The following ANO4 variants were observed in gnomAD, a reference collection of about 807,000 sequenced individuals.
ANO4 encodes the protein anoctamin 4.
ANO4 carries 69 observed loss-of-function variants against 141.9 expected under a neutral mutation model. That is an observed-to-expected ratio of 0.49 (90% CI 0.40 to 0.59). ANO4 has a LOEUF of 0.59. ANO4 is among the 20% of genes least tolerant of loss of function. The pLI, the probability that ANO4 is intolerant of heterozygous loss-of-function variation, is 0.00. For synonymous variants in ANO4, 350 were observed against 394.3 expected, an observed-to-expected ratio of 0.89 and a Z score of 1.33; for missense variants, 894 against 1,162.2, an observed-to-expected ratio of 0.77 and a Z score of 3.36.
At chr12:101,026,395 G>A (rs1359752579) in intron 9 of ANO4, among the ~76,000 whole-genome samples, 1 of 152,120 alleles carries the variant, frequency 6.6e-6, no homozygotes, top group Non-Finnish European at 1.5e-5. Context: ...CCAATAAATG[G>A]AGACATATAC....
At chr12:100,774,622 G>A (rs540539877) in intron 3 of ANO4, among the ~76,000 whole-genome samples, 4 of 152,354 alleles carry the variant, frequency 2.6e-5, no homozygotes, top group African/African-American at 9.6e-5. Context: ...AAGTGCATTT[G>A]CACAGTTACC....
chr12:100,845,722 A>G (rs993654514), intron 1 of ANO4, among the ~76,000 whole-genome samples: 4 of 152,146 alleles, frequency 2.6e-5, no homozygotes, highest in Non-Finnish European at 4.4e-5. Context: ...AGTTATCTAA[A>G]CTAAGGAAAG....
intron 1 of ANO4, among the ~76,000 whole-genome samples, chr12:100,808,727 T>A (rs891827911): frequency 1.3e-5 from 2 of 152,228 alleles, no homozygotes; most frequent in African/African-American, 2.4e-5. Flanking sequence ...GTAAAATAGA[T>A]TACCTGGGGA....
intron 14 of ANO4, among the ~76,000 whole-genome samples, chr12:101,073,510 A>G (rs535717179): frequency 2.4e-4 from 36 of 151,846 alleles, no homozygotes; most frequent in African/African-American, 8.7e-4. Flanking sequence ...AACATGGCAC[A>G]TGTATACATA....
chr12:100,836,866 G>C (rs1201957637), intron 1 of ANO4, among the ~76,000 whole-genome samples: 1 of 152,108 alleles, frequency 6.6e-6, no homozygotes, highest in Non-Finnish European at 1.5e-5. Flanking sequence ...TGATATTCCA[G>C]GTTCCTGTGG....
chr12:100,928,644 T>C (rs1205883401), intron 3 of ANO4, among the ~76,000 whole-genome samples: 1 of 152,180 alleles, frequency 6.6e-6, no homozygotes, highest in Non-Finnish European at 1.5e-5. Flanking sequence ...ATGACCTCAC[T>C]TTATGTTATG....
At chr12:100,729,360 C>CAAAAAAAAAAAAAAAAAA (rs1156522144) in intron 1 of ANO4, among the ~76,000 whole-genome samples, 3 of 22,568 alleles carry the variant, frequency 1.3e-4, no homozygotes, top group Non-Finnish European at 8.4e-5. Context: ...AACTCTGTCT[C>CAAAAAAAAAAAAAAAAAA]AAAAAAAAAA....
At chr12:101,106,595 A>G (rs531064415) in intron 22 of ANO4, among the ~76,000 whole-genome samples, 7 of 149,426 alleles carry the variant, frequency 4.7e-5, no homozygotes, top group Non-Finnish European at 4.4e-5. Context: ...ATATATATAT[A>G]AATGAACTGG....
chr12:100,755,630 T>A (rs777507225), intron 3 of ANO4, among the ~76,000 whole-genome samples: 12 of 152,248 alleles, frequency 7.9e-5, no homozygotes, highest in Non-Finnish European at 1.5e-4. Flanking sequence ...TCACTATGCC[T>A]GTACTTTGTT....
rs557641754 is a variant in ANO4, at chr12:100,974,655, A to G, written c.558-190A>G. 8.5e-5 allele frequency: 58 copies of G among 679,066 alleles called. 1 individual carries two copies. The African/African-American group carries it at 8.7e-4, about 10-fold the overall frequency. 42.1% of individuals were successfully genotyped at this position (679,066 alleles called of 1,614,324 possible). A position where few individuals can be genotyped will look rare whatever the true frequency, so the allele number is the denominator to read the frequency against. On this transcript the variant is annotated intron_variant, in intron 6 of 27. Transcript: ENST00000392977. ...GAAATATCAATGGAAACTGTTTCAT[A>G]AGATTTCATGACTCAAAAACGCATG... is the stretch of plus-strand genomic sequence containing the variant.
intron 12 of ANO4, 25 bp from the exon 13 acceptor site, chr12:101,043,514 C>G: frequency 1.3e-6 from 2 of 1,556,918 alleles, no homozygotes; most frequent in Non-Finnish European, 1.8e-6. Flanking sequence ...CATCAAAAAG[C>G]AGTCCTTTCT....
At chr12:100,733,703 A>G in intron 1 of ANO4, 1 of 653,814 alleles carries the variant, frequency 1.5e-6, no homozygotes, top group Non-Finnish European at 2.8e-6. Flanking sequence ...ACCACCAGTC[A>G]TATATTTACA....
At chr12:101,055,998 A>G (rs145127877) in intron 14 of ANO4, among the ~76,000 whole-genome samples, 225 of 152,172 alleles carry the variant, frequency 1.5e-3, no homozygotes, top group South Asian at 3.7e-3. Flanking sequence ...TGTTTTCAGA[A>G]TTTTTATTAT....
At chr12:100,791,585 C>G (rs1408041465), upstream of ANO4, among the ~76,000 whole-genome samples, 1 of 152,184 alleles carries the variant, frequency 6.6e-6, no homozygotes, top group Non-Finnish European at 1.5e-5. Flanking sequence ...TCAACTTGGA[C>G]TTGTGTCATT....
chr12:100,881,807 A>G (rs542715809), intron 1 of ANO4, among the ~76,000 whole-genome samples: 8 of 152,236 alleles, frequency 5.3e-5, no homozygotes, highest in Admixed American at 2.0e-4. Context: ...TATTTAATAC[A>G]TAACACTGTT....
intron 14 of ANO4, among the ~76,000 whole-genome samples, chr12:101,061,187 T>A (rs966655550): frequency 3.9e-5 from 6 of 152,328 alleles, no homozygotes; most frequent in Admixed American, 3.3e-4. Context: ...TTCTTTTTTT[T>A]AAGAATGTTG....
chr12:100,836,576 A>G (rs572141872), intron 1 of ANO4, among the ~76,000 whole-genome samples: 1 of 151,122 alleles, frequency 6.6e-6, no homozygotes, highest in East Asian at 2.0e-4. Flanking sequence ...AGAAGCCACA[A>G]ACTATCATAT....
At chr12:101,058,618 G>C (rs139220071) in intron 14 of ANO4, among the ~76,000 whole-genome samples, 16,113 of 152,010 alleles carry the variant, frequency 0.11, 884 homozygotes, top group South Asian at 0.14. Flanking sequence ...TATTCTCTTT[G>C]TAGCAATTGT....
intron 5 of ANO4, among the ~76,000 whole-genome samples, chr12:100,966,775 CTATA>C (rs139432531): frequency 1.9e-3 from 281 of 151,326 alleles, no homozygotes; most frequent in African/African-American, 6.6e-3. Context: ...TGTGTTTATA[CTATA>C]TATATACACA....
Sources: allele counts gnomAD v4.1 joint callset (sites outside exome capture counted in the v4.1 genomes callset), GRCh38; gene constraint gnomAD v4.1.1; transcripts MANE v1.5; gene names NCBI Gene and HGNC (gene_info 2026-07-23, HGNC 2026-07-21).